NUP35: variants seen among roughly 807,000 people sequenced by gnomAD.
NUP35 encodes nucleoporin NUP35.
NUP35 carries 25 observed loss-of-function variants against 41.5 expected under a neutral mutation model. The observed-to-expected ratio is 0.60, with a 90% CI of 0.44 to 0.84. The LOEUF (loss-of-function observed/expected upper bound fraction) is 0.84. Ranked by LOEUF, NUP35 falls within the 40% of genes least tolerant of loss-of-function variation. NUP35 has a pLI of 0.00. For synonymous variants in NUP35, 149 were observed against 130.7 expected (o/e 1.14, Z -0.96); for missense variants, 396 against 396.6 (o/e 1.00, Z 0.01).
At chr2:183,128,860 T>A (rs2105543639) in intron 2 of NUP35, among the ~76,000 whole-genome samples, 1 of 152,344 alleles carries the variant, frequency 6.6e-6, no homozygotes, top group East Asian at 1.9e-4. Context: ...AAGTATAAGC[T>A]ATAATTTCTA....
chr2:183,129,715 A>T (rs890350574), intron 2 of NUP35, among the ~76,000 whole-genome samples: 2 of 152,204 alleles, frequency 1.3e-5, no homozygotes, highest in Admixed American at 6.5e-5. Context: ...ACTTGCTAGT[A>T]AGTGAGCGAG....
chr2:183,158,385 A>G lies in NUP35; in HGVS notation c.712A>G (p.Ile238Val). 2 of 1,608,324 alleles carry G rather than the reference A, an allele frequency of 1.2e-6. No homozygotes were observed. Among genetic ancestry groups the G allele is most frequent in the Non-Finnish European group, 1.7e-6 (2 of 1,176,330 alleles). Residue 238 changes from isoleucine (I) to valine (V), a missense_variant, in exon 7 of 9, where the codon ATT (isoleucine) becomes GTT (valine). Ile to Val is a conservative substitution (Grantham distance 29, BLOSUM62 3). Transcript: ENST00000295119. ...GAGGATTTTTGGAGAATCCATCATG[A>G]TTGGTGTAAAACCATGTATTGACAA... ...DGRIFGESIMIGVKPCIDKSV... is the reference protein window; with the variant it reads ...DGRIFGESIMVGVKPCIDKSV...
intron 4 of NUP35, among the ~76,000 whole-genome samples, chr2:183,144,588 T>TAATAAG (rs113283756): frequency 0.11 from 16,685 of 152,192 alleles, 1,151 homozygotes; most frequent in Non-Finnish European, 0.16. Context: ...TCATAAAGGG[T>TAATAAG]AATAAGGTCT....
chr2:183,131,940 G>T (rs989881512), intron 3 of NUP35, among the ~76,000 whole-genome samples: 1 of 152,150 alleles, frequency 6.6e-6, no homozygotes, highest in Non-Finnish European at 1.5e-5. Context: ...TGGTATGAAG[G>T]CTGGGCGTGT....
intron 5 of NUP35, among the ~76,000 whole-genome samples, chr2:183,153,027 A>G (rs112484157): frequency 0.045 from 6,907 of 152,262 alleles, 245 homozygotes; most frequent in South Asian, 0.15. Flanking sequence ...CACTTCTTAC[A>G]TGACGGTGTC....
At chr2:183,132,715 A>G (rs10497621) in intron 3 of NUP35, among the ~76,000 whole-genome samples, 8,232 of 152,320 alleles carry the variant, frequency 0.054, 284 homozygotes, top group Middle Eastern at 0.082. Context: ...GTGGGTCATA[A>G]TTTATAGAGA....
Position 183,161,117 on chromosome 2 carries a change from A to G in NUP35, c.967A>G (p.Met323Val), listed in dbSNP as rs113621793. 475 of 1,612,764 alleles carry G rather than the reference A, an allele frequency of 2.9e-4. 5 individuals are homozygous for G. In the East Asian group the frequency reaches 9.5e-3, roughly 32 times the overall value. Residue 323 changes from methionine to valine, a missense_variant, in exon 9 of 9, where the codon ATG (methionine) becomes GTG (valine). Met to Val is a conservative substitution (Grantham distance 21). Coordinates refer to ENST00000295119, the MANE Select transcript of NUP35 (RefSeq NM_138285.5). ...ESLVSKAMEY[M>V]FGW ...TCTTGTATCCAAAGCAATGGAGTAC[A>G]TGTTTGGCTGGTAGTAGAACACCAA...
chr2:183,156,743 T>G (rs1685679646), intron 5 of NUP35, among the ~76,000 whole-genome samples: 1 of 152,238 alleles, frequency 6.6e-6, no homozygotes, highest in African/African-American at 2.4e-5. Flanking sequence ...ATAACTGAAG[T>G]TAGATAGCCA....
At chr2:183,135,672 G>T (rs1264845637) in intron 4 of NUP35, among the ~76,000 whole-genome samples, 1 of 152,094 alleles carries the variant, frequency 6.6e-6, no homozygotes, top group Non-Finnish European at 1.5e-5. Context: ...ACAATAACAG[G>T]GAAAGATGGA....
At chr2:183,148,832 G>A (rs1341587311) in intron 4 of NUP35, among the ~76,000 whole-genome samples, 3 of 152,000 alleles carry the variant, frequency 2.0e-5, no homozygotes, top group Non-Finnish European at 4.4e-5. Context: ...CTAATTTTTT[G>A]TATTTTTAGT....
chr2:183,142,635 A>G (rs1225094461), intron 4 of NUP35, among the ~76,000 whole-genome samples: 1 of 114,690 alleles, frequency 8.7e-6, no homozygotes, highest in Middle Eastern at 3.9e-3. Context: ...TGTGCACCAC[A>G]TGCTGGGCTA....
At position 183,124,499 on chromosome 2, in the gene NUP35, T is replaced by C; in HGVS notation, c.40+2T>C. ...TGGAACCTCAGGGGCCCGCGTTAGG[T>C]GAGTGAAATATTGCTTTTCCTTGCT... On this transcript the variant is annotated splice_donor_variant, in intron 1 of 8. Transcript: ENST00000295119. LOFTEE classifies it high-confidence loss of function. 1.2e-6 allele frequency: 2 copies of C among 1,613,904 alleles called. No individual in the cohort carries two copies. The highest frequency in any genetic ancestry group is 8.5e-7 in the Non-Finnish European group (1 of 1,179,920).
rs35434258 is a variant in NUP35, at chr2:183,147,915, ATT to A, written c.398-3581_398-3580del. On this transcript the variant is annotated intron_variant, in intron 4 of 8. Transcript: ENST00000295119. ...GTTAGATGTATTCCTAGGTATTTTAATTTTTTTTTTTTTGATATGTGGCTATT... is the reference window on the plus strand; with the variant it reads ...GTTAGATGTATTCCTAGGTATTTTAATTTTTTTTTTTGATATGTGGCTATT... Among the ~76,000 whole-genome samples the A allele has an allele frequency of 9.1e-4, 133 of 145,878 alleles. 1 individual carries two copies. Among genetic ancestry groups the A allele is most frequent in the African/African-American group, 2.7e-3 (107 of 39,998 alleles).
At chr2:183,133,769 G>T in intron 4 of NUP35, 146 bp downstream of exon 4, 2 of 530,516 alleles carry the variant, frequency 3.8e-6, no homozygotes, top group South Asian at 5.0e-5. Flanking sequence ...AATATAAAAT[G>T]TTTGTTGGTA....
chr2:183,124,850 G>C (rs1309271011), intron 1 of NUP35, among the ~76,000 whole-genome samples: 1 of 152,188 alleles, frequency 6.6e-6, no homozygotes, highest in African/African-American at 2.4e-5. Flanking sequence ...CCAGCTGGTT[G>C]CTGGTCCCCA....
intron 5 of NUP35, among the ~76,000 whole-genome samples, chr2:183,152,110 A>ACACACACAC (rs1685486990): frequency 1.8e-5 from 2 of 113,462 alleles, no homozygotes; most frequent in African/African-American, 2.9e-5. Flanking sequence ...AACATTTACA[A>ACACACACAC]ACACACACAC....
intron 4 of NUP35, among the ~76,000 whole-genome samples, chr2:183,135,963 A>G (rs1396640382): frequency 2.0e-5 from 3 of 152,230 alleles, no homozygotes; most frequent in Non-Finnish European, 4.4e-5. Flanking sequence ...TAAGGCAGGT[A>G]TTGTCAGAAT....
At chr2:183,134,865 C>A (rs1362091371) in intron 4 of NUP35, among the ~76,000 whole-genome samples, 2 of 151,438 alleles carry the variant, frequency 1.3e-5, no homozygotes, top group Non-Finnish European at 1.5e-5. Context: ...ACCTTGTGAT[C>A]TACCCACCTC....
At chr2:183,140,219 G>C (rs1685039397) in intron 4 of NUP35, among the ~76,000 whole-genome samples, 1 of 152,142 alleles carries the variant, frequency 6.6e-6, no homozygotes, top group Admixed American at 6.5e-5. Context: ...CCTTTCTGGA[G>C]GCCCTAGAGG....
Sources: gnomAD v4.1 joint callset for allele counts (sites outside exome capture counted in the v4.1 genomes callset) on GRCh38, gnomAD v4.1.1 for gene constraint, MANE v1.5 for transcripts, NCBI Gene and HGNC (gene_info 2026-07-23, HGNC 2026-07-21) for gene names.